ZBED4: variants seen among roughly 807,000 people sequenced by gnomAD.
ZBED4 encodes the protein zinc finger BED domain-containing protein 4.
In ZBED4, 4 loss-of-function variants were observed where a neutral mutation model predicts 15.5. That is an observed-to-expected ratio of 0.26 (90% CI 0.13 to 0.59). The LOEUF (loss-of-function observed/expected upper bound fraction) is 0.59. Among genes scored for constraint, ZBED4 ranks in the 20% least tolerant of loss-of-function variants. ZBED4 has a pLI of 0.90. For missense variants in ZBED4, 1,323 were observed against 1,461.8 expected, an observed-to-expected ratio of 0.91 and a Z score of 1.55; for synonymous variants, 692 against 608.5, an observed-to-expected ratio of 1.14 and a Z score of -2.02.
At position 49,865,599 on chromosome 22, in the gene ZBED4, C is replaced by T. The variant is rs184099752; in HGVS notation, c.-330+11610C>T. Among the ~76,000 whole-genome samples the T allele has an allele frequency of 1.1e-3, 161 of 152,180 alleles. 1 individual carries two copies. Among genetic ancestry groups the T allele is most frequent in the African/African-American group, 3.7e-3 (155 of 41,512 alleles). On this transcript the variant is annotated intron_variant, in intron 1 of 1. Transcript: ENST00000216268. ...CTGAGGCAGGAGAATGGCTTAAACCCGGGAGGCAGAGGGTGCAGTGAGCAG... is the reference window on the plus strand; with the variant it reads ...CTGAGGCAGGAGAATGGCTTAAACCTGGGAGGCAGAGGGTGCAGTGAGCAG...
At chr22:49,865,177 C>T (rs2060316318) in intron 1 of ZBED4, among the ~76,000 whole-genome samples, 1 of 152,150 alleles carries the variant, frequency 6.6e-6, no homozygotes, top group Admixed American at 6.5e-5. Flanking sequence ...TGCAACTCTG[C>T]ACAGCAGTTA....
Position 49,875,649 on chromosome 22 carries a change from G to C in ZBED4, c.-329-7685G>C, listed in dbSNP as rs1404512737. On this transcript the variant is annotated intron_variant, in intron 1 of 1. Coordinates refer to ENST00000216268, the MANE Select transcript of ZBED4 (RefSeq NM_014838.3). ...TTGGCCAGGCTGGTCTCGATCTACT[G>C]ACCTCAAGTGACCTACCTGTCTTGG... Among the ~76,000 whole-genome samples the C allele has an allele frequency of 7.9e-5, 12 of 152,220 alleles. No homozygotes were observed. In the East Asian group the frequency reaches 2.1e-3, roughly 27 times the overall value.
intron 1 of ZBED4, among the ~76,000 whole-genome samples, chr22:49,865,636 C>T (rs1016307364): frequency 6.6e-6 from 1 of 152,132 alleles, no homozygotes; most frequent in African/African-American, 2.4e-5. Flanking sequence ...GATCACACCA[C>T]TGCACTCCAG....
intron 1 of ZBED4, among the ~76,000 whole-genome samples, chr22:49,865,024 C>G (rs1002559919): frequency 1.4e-5 from 2 of 146,824 alleles, no homozygotes; most frequent in Non-Finnish European, 3.0e-5. Flanking sequence ...TCAGTCCTAG[C>G]TCTGCAAGTG....
At chr22:49,873,648 A>G (rs1432963121) in intron 1 of ZBED4, among the ~76,000 whole-genome samples, 4 of 152,122 alleles carry the variant, frequency 2.6e-5, no homozygotes, top group Non-Finnish European at 5.9e-5. Flanking sequence ...TGGGGGAAAA[A>G]AAAGTATCTG....
intron 1 of ZBED4, among the ~76,000 whole-genome samples, chr22:49,876,455 C>G (rs2060376912): frequency 6.6e-6 from 1 of 152,170 alleles, no homozygotes; most frequent in African/African-American, 2.4e-5. Flanking sequence ...GGTCTCTTTG[C>G]AGGTATATGC....
At chr22:49,879,064 G>C (rs1413635371) in intron 1 of ZBED4, among the ~76,000 whole-genome samples, 3 of 150,206 alleles carry the variant, frequency 2.0e-5, no homozygotes, top group Non-Finnish European at 4.4e-5. Context: ...AGAATCACTT[G>C]AACTGGGGAG....
At chr22:49,854,774 G>A (rs892690782) in intron 1 of ZBED4, among the ~76,000 whole-genome samples, 1 of 152,176 alleles carries the variant, frequency 6.6e-6, no homozygotes, top group Non-Finnish European at 1.5e-5. Flanking sequence ...TGAGCCGTCA[G>A]AAGCTTCTGT....
chr22:49,869,936 G>C (rs1255821028), intron 1 of ZBED4, among the ~76,000 whole-genome samples: 1 of 152,154 alleles, frequency 6.6e-6, no homozygotes, highest in East Asian at 1.9e-4. Context: ...GTACTCAATA[G>C]GTTGTTTTTC....
intron 1 of ZBED4, among the ~76,000 whole-genome samples, chr22:49,881,392 G>A (rs973112361): frequency 6.6e-6 from 1 of 152,226 alleles, no homozygotes. Context: ...TAGAAATACA[G>A]TTGCTGTTTT....
intron 1 of ZBED4, among the ~76,000 whole-genome samples, chr22:49,865,161 C>T (rs569246700): frequency 8.5e-5 from 13 of 152,184 alleles, no homozygotes; most frequent in East Asian, 5.8e-4. Context: ...CCTGTCACTC[C>T]GAGGCTGCAA....
rs2060420229 is a variant in ZBED4, at chr22:49,883,546, C to G, written c.-117C>G. 1 of 1,353,942 alleles carries G rather than the reference C, an allele frequency of 7.4e-7. No individual in the cohort carries two copies. The highest frequency in any genetic ancestry group is 2.5e-5 in the East Asian group (1 of 40,452). The allele number at this position is 1,353,942 out of a possible 1,614,324, so 83.9% of individuals were successfully genotyped here. A position where few individuals can be genotyped will look rare whatever the true frequency, so the allele number is the denominator to read the frequency against. ...TGATTAGCCATATTTCTAGAAACAT[C>G]CTGAAAGATGGAATTATGACGAAAA... On this transcript the variant is annotated 5_prime_UTR_variant, in exon 2 of 2. The change creates a new upstream start codon in the 5' untranslated region. Transcript: ENST00000216268.
Position 49,886,429 on chromosome 22 carries a change from A to G in ZBED4, c.2767A>G (p.Ser923Gly). The G allele has an allele frequency of 6.3e-7, 1 of 1,587,346 alleles. No homozygotes were observed. The highest frequency in any genetic ancestry group is 8.6e-7 in the Non-Finnish European group (1 of 1,163,392). ...SVECNFRELI[S>G]CDQWEVMQSV... ...CGAGTGTAACTTCCGAGAGCTGATC[A>G]GCTGCGACCAGTGGGAGGTCATGCA... The change falls in exon 2 of 2, where the codon AGC (serine) becomes GGC (glycine). Residue 923 changes from serine to glycine, a missense_variant. Around this residue, in one of 6 missense-constraint regions of ZBED4, gnomAD observed 312 missense variants for 410.7 expected, o/e 0.76. Coordinates refer to ENST00000216268, the MANE Select transcript of ZBED4 (RefSeq NM_014838.3). This position sits in a 1 kb window ranked among gnomAD's most constrained non-coding sequence, Gnocchi z 7.7.
rs374870557 is a variant in ZBED4, at chr22:49,884,300, C to T, written c.638C>T (p.Ala213Val). 7.9e-5 allele frequency: 128 copies of T among 1,612,994 alleles called. No homozygotes were observed. The highest frequency in any genetic ancestry group is 9.6e-5 in the Non-Finnish European group (113 of 1,179,476). The change falls in exon 2 of 2, where the codon GCG becomes GTG. Residue 213 changes from alanine (A) to valine (V), a missense_variant. Transcript: ENST00000216268. ...CCCATCAAACTTGTCCAGAAAGTGG[C>T]GTCTAAGATCCCGTCCCCCGATCGA... ...LSPIKLVQKV[A>V]SKIPSPDRIT...
At chr22:49,860,280 C>CA (rs1307025678) in intron 1 of ZBED4, among the ~76,000 whole-genome samples, 1 of 152,248 alleles carries the variant, frequency 6.6e-6, no homozygotes, top group Non-Finnish European at 1.5e-5. Context: ...GCCTGGGCGA[C>CA]AGAGTGAGAC....
In ZBED4 at chr22:49,885,349, C is replaced by G; in HGVS notation, c.1687C>G (p.Leu563Val). ...TGTTAATAGCAAAAAGACCTCGAAG[C>G]TGTGGAATCATTTTTCTATTTGCTC... ...FPVNSKKTSK[L>V]WNHFSICSAD... is the part of the protein sequence containing the mutation. The change falls in exon 2 of 2, where the codon CTG (leucine) becomes GTG (valine). Residue 563 changes from leucine (L) to valine (V), a missense_variant. Around this residue, in one of 6 missense-constraint regions of ZBED4, gnomAD observed 429 missense variants for 397.9 expected, o/e 1.08. Transcript: ENST00000216268. 1.3e-6 allele frequency: 2 copies of G among 1,589,422 alleles called. No individual in the cohort carries two copies. Among genetic ancestry groups the G allele is most frequent in the Non-Finnish European group, 8.6e-7 (1 of 1,165,034 alleles).
In ZBED4 at chr22:49,883,779, A is replaced by G. The variant is rs1314033731; in HGVS notation, c.117A>G (p.Arg39=). 6.2e-7 allele frequency: 1 copy of G among 1,613,402 alleles called. No individual in the cohort carries two copies. Among genetic ancestry groups the G allele is most frequent in the Non-Finnish European group, 8.5e-7 (1 of 1,179,446 alleles). The change falls in exon 2 of 2, where the codon AGA becomes AGG. Residue 39 remains arginine (R), a synonymous_variant. Transcript: ENST00000216268. ...GAATTCCTCCTGATAGTTTGGAAAG[A>G]ATGGACTTTAAAAGCGAGCAGGAGG... The part of the protein sequence containing the change: ...DDGIPPDSLE[R]MDFKSEQEDM...
intron 1 of ZBED4, among the ~76,000 whole-genome samples, chr22:49,878,949 C>A (rs1340694768): frequency 6.6e-6 from 1 of 151,692 alleles, no homozygotes; most frequent in Non-Finnish European, 1.5e-5. Flanking sequence ...TAGAGACCAT[C>A]GTGGCCAACA....
In ZBED4 at chr22:49,885,415, A is replaced by G. The variant is rs1224197488; in HGVS notation, c.1753A>G (p.Thr585Ala). Residue 585 changes from threonine to alanine, a missense_variant, in exon 2 of 2, where the codon ACC becomes GCC. Coordinates refer to ENST00000216268, the MANE Select transcript of ZBED4 (RefSeq NM_014838.3). The stretch of plus-strand genomic sequence containing the variant: ...AGTCGTGTGCTTGCACTGTGGCCGG[A>G]CCATCAGCCGGGGGAAGAAGCCGAC... The part of the protein sequence containing the change: ...TKVVCLHCGR[T>A]ISRGKKPTNL... 1.2e-6 allele frequency: 2 copies of G among 1,604,484 alleles called. No individual in the cohort carries two copies. Among genetic ancestry groups the G allele is most frequent in the Non-Finnish European group, 1.7e-6 (2 of 1,173,004 alleles).
Sources: allele counts gnomAD v4.1 joint callset (sites outside exome capture counted in the v4.1 genomes callset), GRCh38; gene constraint gnomAD v4.1.1; regional missense constraint gnomAD v4.1.1; non-coding constraint Gnocchi (gnomAD v3.1); transcripts MANE v1.5; gene names NCBI Gene and HGNC (gene_info 2026-07-23, HGNC 2026-07-21).